The following NETO2 variants were observed in gnomAD, a reference collection of about 807,000 sequenced individuals.
The protein encoded by NETO2 is neuropilin and tolloid-like protein 2.
Under a neutral mutation model 62.5 loss-of-function variants are expected in NETO2, and 28 were observed. The observed-to-expected ratio is 0.45, with a 90% CI of 0.33 to 0.61. NETO2 has a LOEUF of 0.61. Among genes scored for constraint, NETO2 ranks in the 20% least tolerant of loss-of-function variants. NETO2 has a pLI of 0.02. For missense variants in NETO2, 548 were observed against 643.2 expected (o/e 0.85, Z 1.60); for synonymous variants, 214 against 219.1 (o/e 0.98, Z 0.21).
At position 47,114,443 on chromosome 16, in the gene NETO2, T is replaced by C. The variant is rs1366996502; in HGVS notation, c.655-4732A>G. Among the ~76,000 whole-genome samples the C allele has an allele frequency of 8.2e-5, 9 of 109,728 alleles. No homozygotes were observed. The East Asian group carries it at 1.3e-3, about 16-fold the overall frequency. 72.0% of individuals were successfully genotyped at this position (109,728 alleles called of 152,430 possible). ...ATTAGTCCAATTTATAAATTTCTTT[T>C]TTTTTTTTTTTTTTTTTTTTTTTTT... On this transcript the variant is annotated intron_variant, in intron 6 of 8. Coordinates refer to ENST00000562435, the MANE Select transcript of NETO2 (RefSeq NM_018092.5).
chr16:47,117,740 G>A (rs1269171225), intron 6 of NETO2, among the ~76,000 whole-genome samples: 1 of 151,956 alleles, frequency 6.6e-6, no homozygotes, highest in East Asian at 1.9e-4. Context: ...CCTACTCTTT[G>A]AGAGTGTTTA....
intron 7 of NETO2, among the ~76,000 whole-genome samples, chr16:47,108,394 A>G (rs1244266937): frequency 6.6e-6 from 1 of 152,230 alleles, no homozygotes; most frequent in African/African-American, 2.4e-5. Flanking sequence ...GAAAACTGGC[A>G]GACAGCACCT....
chr16:47,113,585 C>CTTTTT (rs953891691), intron 6 of NETO2, among the ~76,000 whole-genome samples: 64 of 106,552 alleles, frequency 6.0e-4, no homozygotes, highest in Non-Finnish European at 7.5e-4. Context: ...ACAGTTTATT[C>CTTTTT]TTTTTTTTTT....
At chr16:47,109,274 C>T (rs1178687899) in intron 7 of NETO2, among the ~76,000 whole-genome samples, 1 of 151,752 alleles carries the variant, frequency 6.6e-6, no homozygotes, top group East Asian at 1.9e-4. Context: ...TAAGGCCAGC[C>T]TGTGCAACAA....
At chr16:47,098,901 G>A (rs775826875) in intron 7 of NETO2, among the ~76,000 whole-genome samples, 1 of 152,088 alleles carries the variant, frequency 6.6e-6, no homozygotes. Context: ...TGTATGTGAC[G>A]GAGTCTCGCT....
At chr16:47,093,771 G>A (rs1179502531) in intron 7 of NETO2, among the ~76,000 whole-genome samples, 1 of 152,140 alleles carries the variant, frequency 6.6e-6, no homozygotes, top group Non-Finnish European at 1.5e-5. Flanking sequence ...ATAATACAAT[G>A]CCTTGAAATT....
chr16:47,119,587 T>C (rs1963997185), intron 6 of NETO2, among the ~76,000 whole-genome samples: 1 of 152,122 alleles, frequency 6.6e-6, no homozygotes. Flanking sequence ...TGTTTTATGA[T>C]TGCCCTTTCT....
At chr16:47,134,181 T>G (rs1038473679) in intron 1 of NETO2, among the ~76,000 whole-genome samples, 2 of 152,196 alleles carry the variant, frequency 1.3e-5, no homozygotes, top group African/African-American at 4.8e-5. Flanking sequence ...ACTACCAAAG[T>G]CACCAACGTA....
chr16:47,120,444 A>G (rs1246092662), intron 6 of NETO2, among the ~76,000 whole-genome samples: 1 of 152,230 alleles, frequency 6.6e-6, no homozygotes, highest in African/African-American at 2.4e-5. Context: ...ATAGGTATAC[A>G]GTGCATAATA....
At chr16:47,113,553 GATGTTACTA>G (rs1048229933) in intron 6 of NETO2, among the ~76,000 whole-genome samples, 1 of 147,518 alleles carries the variant, frequency 6.8e-6, no homozygotes, top group African/African-American at 2.5e-5. Flanking sequence ...TTGTTGAATA[GATGTTACTA>G]TATGGATGTA....
At chr16:47,119,763 A>C (rs1964000593) in intron 6 of NETO2, among the ~76,000 whole-genome samples, 1 of 152,142 alleles carries the variant, frequency 6.6e-6, no homozygotes, top group South Asian at 2.1e-4. Flanking sequence ...TGTGACTTAC[A>C]AATTACTAAG....
chr16:47,098,823 G>T (rs554044489), intron 7 of NETO2, among the ~76,000 whole-genome samples: 1 of 151,520 alleles, frequency 6.6e-6, no homozygotes, highest in Non-Finnish European at 1.5e-5. Flanking sequence ...GACTAACAGC[G>T]ATCTCTCTGC....
intron 6 of NETO2, among the ~76,000 whole-genome samples, chr16:47,122,096 C>T (rs1469469317): frequency 1.3e-5 from 2 of 152,226 alleles, no homozygotes; most frequent in African/African-American, 2.4e-5. Flanking sequence ...TGTTGATATT[C>T]CTAGAAGTAT....
chr16:47,113,175 C>G (rs1963838093), intron 6 of NETO2, among the ~76,000 whole-genome samples: 1 of 152,196 alleles, frequency 6.6e-6, no homozygotes, highest in Admixed American at 6.5e-5. Context: ...AAATAGCTCT[C>G]CAAAGTGGTT....
chr16:47,089,396 C>G (rs1031983318), intron 7 of NETO2, among the ~76,000 whole-genome samples: 4 of 152,158 alleles, frequency 2.6e-5, no homozygotes, highest in African/African-American at 9.7e-5. Flanking sequence ...CCTCGGCTTC[C>G]TCTTTTAAAA....
intron 4 of NETO2, among the ~76,000 whole-genome samples, chr16:47,125,439 A>C (rs566002309): frequency 6.6e-6 from 1 of 151,236 alleles, no homozygotes; most frequent in Middle Eastern, 3.4e-3. Flanking sequence ...TCCACCTCCC[A>C]GGTTCAAGCG....
Position 47,117,293 on chromosome 16 carries a change from G to T in NETO2, c.654+5364C>A, listed in dbSNP as rs1033660375. On this transcript the variant is annotated intron_variant, in intron 6 of 8. Transcript: ENST00000562435. ...ATCATTTTTCTCTGGTAGACCTCAA[G>T]ATCTCAATCTTTGATTTCAAGTAAT... 4.6e-5 allele frequency among the ~76,000 whole-genome samples: 7 copies of T among 152,284 alleles called. No homozygotes were observed. The Middle Eastern group carries it at 0.01, about 222-fold the overall frequency.
chr16:47,093,932 T>C (rs1317654805), intron 7 of NETO2, among the ~76,000 whole-genome samples: 1 of 152,208 alleles, frequency 6.6e-6, no homozygotes, highest in Admixed American at 6.5e-5. Context: ...AAGGCTAAAA[T>C]ATTTGTTTCT....
At chr16:47,133,840 A>T (rs1457348779) in intron 1 of NETO2, among the ~76,000 whole-genome samples, 3 of 152,150 alleles carry the variant, frequency 2.0e-5, no homozygotes, top group East Asian at 3.9e-4. Context: ...AACTATAATG[A>T]GAAGCCCTTG....
Sources: allele counts gnomAD v4.1 joint callset (sites outside exome capture counted in the v4.1 genomes callset), GRCh38; gene constraint gnomAD v4.1.1; transcripts MANE v1.5; gene names NCBI Gene and HGNC (gene_info 2026-07-23, HGNC 2026-07-21).